IFFO2: variants seen among roughly 807,000 people sequenced by gnomAD.
The protein encoded by IFFO2 is intermediate filament family orphan 2.
IFFO2 carries 19 observed loss-of-function variants against 53.5 expected under a neutral mutation model. The observed-to-expected ratio is 0.36, with a 90% CI of 0.25 to 0.52. The LOEUF (loss-of-function observed/expected upper bound fraction) is 0.52, where lower values mean the gene tolerates loss of function less well. IFFO2 is among the 20% of genes least tolerant of loss of function. The pLI is 0.94. For missense variants in IFFO2, 570 were observed against 727.4 expected (o/e 0.78, Z 2.49); for synonymous variants, 303 against 313.6 (o/e 0.97, Z 0.36).
chr1:18,924,531 C>A (rs1194305465), intron 1 of IFFO2, among the ~76,000 whole-genome samples: 1 of 152,156 alleles, frequency 6.6e-6, no homozygotes, highest in Non-Finnish European at 1.5e-5. Context: ...TTGCAGACAT[C>A]GTTTCCTTTC....
intron 1 of IFFO2, among the ~76,000 whole-genome samples, chr1:18,937,926 T>C (rs1438032309): frequency 6.6e-6 from 1 of 152,252 alleles, no homozygotes; most frequent in Admixed American, 6.5e-5. Flanking sequence ...ACAGCCTCTC[T>C]TCTCAACTCC....
intron 1 of IFFO2, among the ~76,000 whole-genome samples, chr1:18,929,218 C>T (rs1274194729): frequency 3.9e-5 from 6 of 152,198 alleles, no homozygotes; most frequent in Non-Finnish European, 7.3e-5. Context: ...TTCTGTAAAA[C>T]GGGGATAGCA....
At chr1:18,953,571 C>T (rs1936684267) in intron 1 of IFFO2, among the ~76,000 whole-genome samples, 1 of 152,150 alleles carries the variant, frequency 6.6e-6, no homozygotes, top group Admixed American at 6.5e-5. Flanking sequence ...TCTAGCCCCC[C>T]CTCAACCTCA....
chr1:18,950,904 T>A (rs542568117), intron 1 of IFFO2, among the ~76,000 whole-genome samples: 1 of 152,144 alleles, frequency 6.6e-6, no homozygotes, highest in Non-Finnish European at 1.5e-5. Context: ...TCCCAGAAAG[T>A]GGCTTTTTAA....
chr1:18,915,572 G>C (rs904689258), intron 5 of IFFO2, among the ~76,000 whole-genome samples: 1 of 152,092 alleles, frequency 6.6e-6, no homozygotes, highest in Non-Finnish European at 1.5e-5. Flanking sequence ...GAGGCAGCCT[G>C]GCTCTGAATC....
chr1:18,912,422 G>A (rs186248569), intron 5 of IFFO2, among the ~76,000 whole-genome samples: 4 of 152,164 alleles, frequency 2.6e-5, no homozygotes, highest in South Asian at 2.1e-4. Context: ...CCTCTAGTTT[G>A]AGTGAGATGT....
Position 18,956,337 on chromosome 1 carries a change from C to G in IFFO2, c.-5G>C. 1 of 307,802 alleles carries G rather than the reference C, an allele frequency of 3.2e-6. No individual in the cohort carries two copies. Among genetic ancestry groups the G allele is most frequent in the Non-Finnish European group, 5.2e-6 (1 of 194,126 alleles). 19.1% of individuals were successfully genotyped at this position (307,802 alleles called of 1,614,324 possible). A position where few individuals can be genotyped will look rare whatever the true frequency, so the allele number is the denominator to read the frequency against. ...GAACAGCAGCGAGTTCACCATGCGC[C>G]GGCTGCGCGGCTCAGGGCCCCGGGC... On this transcript the variant is annotated 5_prime_UTR_variant, in exon 1 of 9. Coordinates refer to ENST00000455833, the MANE Select transcript of IFFO2 (RefSeq NM_001136265.2). The surrounding 1 kb of genome is among the most constrained non-coding windows in gnomAD (Gnocchi z 6.4).
At chr1:18,941,549 C>T (rs1936520787) in intron 1 of IFFO2, among the ~76,000 whole-genome samples, 1 of 152,242 alleles carries the variant, frequency 6.6e-6, no homozygotes, top group African/African-American at 2.4e-5. Flanking sequence ...AACACAGAAA[C>T]CATCTACCCA....
intron 1 of IFFO2, among the ~76,000 whole-genome samples, chr1:18,933,113 C>G (rs767791578): frequency 2.0e-5 from 3 of 152,256 alleles, no homozygotes; most frequent in Admixed American, 6.5e-5. Context: ...TAAGAGTATT[C>G]TCTTCCTGCT....
intron 1 of IFFO2, among the ~76,000 whole-genome samples, chr1:18,926,045 A>ATGGT (rs1936288741): frequency 3.1e-5 from 3 of 97,582 alleles, no homozygotes; most frequent in African/African-American, 4.7e-5. Flanking sequence ...GGATGGATGG[A>ATGGT]TGGATGGATT....
intron 1 of IFFO2, among the ~76,000 whole-genome samples, chr1:18,930,248 T>C (rs984103376): frequency 6.6e-6 from 1 of 152,154 alleles, no homozygotes; most frequent in African/African-American, 2.4e-5. Context: ...GTCATTCTCA[T>C]CCTCACGACC....
rs1353117579 is a variant in IFFO2 at position 18,905,403 on chromosome 1, A to T, written c.*3158T>A. The T allele has an allele frequency of 1.3e-5, 2 of 152,192 alleles. No homozygotes were observed. Among genetic ancestry groups the T allele is most frequent in the African/African-American group, 4.8e-5 (2 of 41,428 alleles). The allele number at this position is 152,192 out of a possible 1,614,324, so 9.4% of individuals were successfully genotyped here. On this transcript the variant is annotated 3_prime_UTR_variant, in exon 9 of 9. Transcript: ENST00000455833. ...CTACCACAACTGCCTACCCTAGATT[A>T]AAAAACCCTTCCTTTCATAAAAATA... is the stretch of plus-strand genomic sequence containing the variant.
Position 18,945,804 on chromosome 1 carries a change from C to G in IFFO2, c.665+9864G>C, listed in dbSNP as rs538562496. ...CAGCCTTATTTAGTGATTTTTGCCA[C>G]AGCAGCCAGAATCGGAGCACCATCA... On this transcript the variant is annotated intron_variant, in intron 1 of 8. Transcript: ENST00000455833. 5.3e-5 allele frequency among the ~76,000 whole-genome samples: 8 copies of G among 152,368 alleles called. No homozygotes were observed. In the South Asian group the frequency reaches 1.7e-3, roughly 32 times the overall value.
chr1:18,937,359 T>C (rs1936463409), intron 1 of IFFO2, among the ~76,000 whole-genome samples: 1 of 152,116 alleles, frequency 6.6e-6, no homozygotes, highest in Admixed American at 6.5e-5. Context: ...ACCAAAAGAA[T>C]TAGTGACTAA....
Position 18,956,307 on chromosome 1 carries a change from T to C in IFFO2, c.26A>G (p.Glu9Gly). ...CGGGCAGCCGAAGGCCAAGGCCATC[T>C]CCCCGAACAGCAGCGAGTTCACCAT... is the stretch of plus-strand genomic sequence containing the variant. MVNSLLFG[E>G]MALAFGCPPG... Residue 9 changes from glutamate (E) to glycine (G), a missense_variant, in exon 1 of 9, where the codon GAG becomes GGG. Coordinates refer to ENST00000455833, the MANE Select transcript of IFFO2 (RefSeq NM_001136265.2). The surrounding 1 kb of genome is among the most constrained non-coding windows in gnomAD (Gnocchi z 6.4). 6.3e-6 allele frequency: 3 copies of C among 473,530 alleles called. No homozygotes were observed. The highest frequency in any genetic ancestry group is 6.0e-6 in the Non-Finnish European group (2 of 333,850). 29.3% of individuals were successfully genotyped at this position (473,530 alleles called of 1,614,324 possible).
chr1:18,905,551 C>T lies in IFFO2; in HGVS notation c.*3010G>A, dbSNP rs552624468. On this transcript the variant is annotated 3_prime_UTR_variant, in exon 9 of 9. Coordinates refer to ENST00000455833, the MANE Select transcript of IFFO2 (RefSeq NM_001136265.2). Reference sequence around the variant, plus strand: ...AGTGGTTTAATTCTCCCTAGGTCATCTGAGCTCTACCCACAGAGTTAGTCC... The same window carrying T: ...AGTGGTTTAATTCTCCCTAGGTCATTTGAGCTCTACCCACAGAGTTAGTCC... 5.9e-5 allele frequency: 9 copies of T among 152,266 alleles called. No individual in the cohort carries two copies. Among genetic ancestry groups the T allele is most frequent in the Admixed American group, 5.9e-4 (9 of 15,310 alleles). The allele number at this position is 152,266 out of a possible 1,614,324, so 9.4% of individuals were successfully genotyped here. A position where few individuals can be genotyped will look rare whatever the true frequency, so the allele number is the denominator to read the frequency against.
chr1:18,920,614 CAGAG>C (rs1291266157), intron 2 of IFFO2, among the ~76,000 whole-genome samples: 1 of 152,236 alleles, frequency 6.6e-6, no homozygotes, highest in Non-Finnish European at 1.5e-5. Context: ...ATGCCCACCA[CAGAG>C]AGCCTGCTCA....
intron 5 of IFFO2, among the ~76,000 whole-genome samples, chr1:18,913,827 T>C (rs940107221): frequency 1.4e-5 from 2 of 147,966 alleles, no homozygotes; most frequent in Non-Finnish European, 3.0e-5. Context: ...GTTGTTGTTT[T>C]TTTGTTTGTT....
chr1:18,956,472 A>C lies in IFFO2; in HGVS notation c.-140T>G. ...CCGGGCGGTTCCAGATGCGCGCCAGATGCGGCCTCCGCAGAGACGGCAGGA... is the reference window on the plus strand; with the variant it reads ...CCGGGCGGTTCCAGATGCGCGCCAGCTGCGGCCTCCGCAGAGACGGCAGGA... On this transcript the variant is annotated 5_prime_UTR_variant, in exon 1 of 9. Transcript: ENST00000455833. This position sits in a 1 kb window ranked among gnomAD's most constrained non-coding sequence, Gnocchi z 6.4. 6.3e-6 allele frequency: 1 copy of C among 159,786 alleles called. No individual in the cohort carries two copies. 9.9% of individuals were successfully genotyped at this position (159,786 alleles called of 1,614,324 possible).
Sources: allele counts gnomAD v4.1 joint callset (sites outside exome capture counted in the v4.1 genomes callset), GRCh38; gene constraint gnomAD v4.1.1; non-coding constraint Gnocchi (gnomAD v3.1); transcripts MANE v1.5; gene names NCBI Gene and HGNC (gene_info 2026-07-23, HGNC 2026-07-21).